The following LAMA5 variants were observed in gnomAD, a reference collection of about 807,000 sequenced individuals.
LAMA5 encodes laminin subunit alpha 5, also known as laminin subunit alpha-5.
LAMA5 carries 260 observed loss-of-function variants against 433.4 expected under a neutral mutation model. The ratio of observed to expected loss-of-function variants is 0.60; its 90% confidence interval spans 0.54 to 0.66. The LOEUF is 0.66. Among genes scored for constraint, LAMA5 ranks in the 30% least tolerant of loss-of-function variants. The probability of loss-of-function intolerance (pLI) is 0.00; values close to 1 mark genes in which losing one functional copy is unlikely to be tolerated. For missense variants in LAMA5, 5,378 were observed against 5,258.5 expected, an observed-to-expected ratio of 1.02 and a Z score of -0.70; for synonymous variants, 2,620 against 2,226.6, an observed-to-expected ratio of 1.18 and a Z score of -4.97.
rs758517526 is a variant in LAMA5, at chr20:62,313,129, G to C, written c.8914C>G (p.Leu2972Val). 2.5e-6 allele frequency: 4 copies of C among 1,609,000 alleles called. No individual in the cohort carries two copies. In the Admixed American group the frequency reaches 5.0e-5, roughly 20 times the overall value. The change falls in exon 65 of 80, where the codon CTC becomes GTC. Residue 2972 changes from leucine (L) to valine (V), a missense_variant. Coordinates refer to ENST00000252999, the MANE Select transcript of LAMA5 (RefSeq NM_005560.6). The part of the protein sequence containing the change: ...TTKRFEQELR[L>V]VSYSGVLFFL... ...AAGAGCACCCCGCTGTAGGACACGA[G>C]CCGCAGCTCCTGCTCGAAGCGCTTG...
intron 18 of LAMA5, 70 bp from the exon 19 acceptor site, chr20:62,335,339 C>G: frequency 2.6e-6 from 4 of 1,510,226 alleles, no homozygotes; most frequent in Non-Finnish European, 3.6e-6. Context: ...CCCCGAGGAA[C>G]CCCCACACCC....
At chr20:62,340,094 G>C (rs1290006308) in intron 11 of LAMA5, among the ~76,000 whole-genome samples, 2 of 152,096 alleles carry the variant, frequency 1.3e-5, no homozygotes, top group African/African-American at 4.8e-5. Flanking sequence ...TCACCCAACG[G>C]GCAGCAGAAA....
chr20:62,346,056 T>C, intron 10 of LAMA5, 25 bp downstream of exon 10: 9 of 1,611,698 alleles, frequency 5.6e-6, no homozygotes, highest in East Asian at 2.2e-5. Context: ...TGGTGTCTGT[T>C]TGGATGCCCC....
intron 48 of LAMA5, 107 bp from the exon 49 acceptor site, chr20:62,320,997 C>T (rs1987642560): frequency 3.2e-6 from 4 of 1,261,690 alleles, no homozygotes; most frequent in Non-Finnish European, 4.4e-6. Flanking sequence ...AGCCAGAGGT[C>T]ATGAGGTCAG....
intron 35 of LAMA5, 25 bp downstream of exon 35, chr20:62,328,216 C>T (rs779146052): frequency 8.3e-6 from 13 of 1,573,714 alleles, no homozygotes; most frequent in Middle Eastern, 1.7e-4. Context: ...CCAGGGGCCG[C>T]GCTGACGCCG....
intron 2 of LAMA5, among the ~76,000 whole-genome samples, chr20:62,361,238 G>A (rs1241406807): frequency 6.6e-6 from 1 of 152,150 alleles, no homozygotes; most frequent in East Asian, 1.9e-4. Context: ...AACAGGCAAA[G>A]CCACACCCAG....
chr20:62,319,989 G>A (rs954159847), intron 50 of LAMA5, among the ~76,000 whole-genome samples, 194 bp from the exon 51 acceptor site: 5 of 152,264 alleles, frequency 3.3e-5, no homozygotes, highest in East Asian at 1.9e-4. Flanking sequence ...CTTGCCATTT[G>A]TTATTTCCTG....
At position 62,347,458 on chromosome 20, in the gene LAMA5, A is replaced by G. The variant is rs534897372; in HGVS notation, c.957-430T>C. Among the ~76,000 whole-genome samples the G allele has an allele frequency of 2.0e-5, 3 of 152,250 alleles. No individual in the cohort carries two copies. In the South Asian group the frequency reaches 6.2e-4, roughly 32 times the overall value. On this transcript the variant is annotated intron_variant, in intron 6 of 79. Transcript: ENST00000252999. The stretch of plus-strand genomic sequence containing the variant: ...TCCACTTCGGCCAGGACTCGAGCGT[A>G]AGCCCAAAACCTCCCTGAGCCAGAA...
chr20:62,340,437 G>A (rs1008533276), intron 11 of LAMA5, among the ~76,000 whole-genome samples: 2 of 144,226 alleles, frequency 1.4e-5, no homozygotes, highest in South Asian at 2.3e-4. Context: ...TCAGCCTCCC[G>A]AGTAGCTGGG....
rs1319795560 is a variant in LAMA5, at chr20:62,328,383, T to C, written c.4510A>G (p.Thr1504Ala). 1.9e-6 allele frequency: 3 copies of C among 1,566,288 alleles called. No individual in the cohort carries two copies. The highest frequency in any genetic ancestry group is 2.6e-6 in the Non-Finnish European group (3 of 1,155,404). The change falls in exon 35 of 80, where the codon ACC becomes GCC. Residue 1504 changes from threonine to alanine, a missense_variant. Thr to Ala is a moderately conservative substitution (Grantham distance 58). Transcript: ENST00000252999. ...CACAGCAGGCAGTCGGGCGGGATGG[T>C]GCGTGGCGGGCAGATGCACTGGCCC... ...LTGQCICPPR[T>A]IPPDCLLCQP...
chr20:62,316,191 T>C (rs978167313), intron 57 of LAMA5, 133 bp from the exon 58 acceptor site: 8 of 663,212 alleles, frequency 1.2e-5, no homozygotes, highest in Admixed American at 4.7e-5. Flanking sequence ...CACTCAGACA[T>C]GGAGTCCCTT....
In LAMA5 at chr20:62,317,726, T is replaced by C. The variant is rs76350903; in HGVS notation, c.7292A>G (p.His2431Arg). Residue 2431 changes from histidine to arginine, a missense_variant, in exon 54 of 80, where the codon CAT becomes CGT. His to Arg is a conservative substitution (Grantham distance 29). Coordinates refer to ENST00000252999, the MANE Select transcript of LAMA5 (RefSeq NM_005560.6). ...RDNATLQATL[H>R]AARDTLASVF... ...GCTGGCCAGGGTGTCCCTAGCCGCA[T>C]GCAGAGTGGCCTGCAGGGTGGCATT... The C allele has an allele frequency of 1.9e-6, 3 of 1,607,378 alleles. No individual in the cohort carries two copies. Among genetic ancestry groups the C allele is most frequent in the South Asian group, 2.2e-5 (2 of 90,280 alleles).
intron 54 of LAMA5, 24 bp from the exon 55 acceptor site, chr20:62,317,523 C>A: frequency 6.5e-7 from 1 of 1,533,754 alleles, no homozygotes; most frequent in South Asian, 1.3e-5. Flanking sequence ...GGACTTAGCC[C>A]CTCATCCTGC....
At chr20:62,338,886 A>T (rs1267521145) in intron 11 of LAMA5, among the ~76,000 whole-genome samples, 1 of 151,888 alleles carries the variant, frequency 6.6e-6, no homozygotes, top group African/African-American at 2.4e-5. Flanking sequence ...AAAATACAAA[A>T]ATTAGCTGGG....
At chr20:62,361,593 G>C (rs1442461826) in intron 2 of LAMA5, among the ~76,000 whole-genome samples, 3 of 152,242 alleles carry the variant, frequency 2.0e-5, no homozygotes, top group Non-Finnish European at 4.4e-5. Flanking sequence ...TGGGGCAGCG[G>C]CGGAGCCGGC....
rs549992376 is a variant in LAMA5 at position 62,364,113 on chromosome 20, T to C, written c.298-1561A>G. On this transcript the variant is annotated intron_variant, in intron 1 of 79. Transcript: ENST00000252999. Reference sequence around the variant, plus strand: ...TCCCCAGCTCACCACCTAAGCATTCTCGTGGATGGGGCTAGAGCAACTGAA... The same window carrying C: ...TCCCCAGCTCACCACCTAAGCATTCCCGTGGATGGGGCTAGAGCAACTGAA... Among the ~76,000 whole-genome samples the C allele has an allele frequency of 1.6e-4, 25 of 152,252 alleles. No individual in the cohort carries two copies. The East Asian group carries it at 4.8e-3, about 29-fold the overall frequency.
In LAMA5 at chr20:62,329,841, A is replaced by T. The variant is rs982861517; in HGVS notation, c.4055T>A (p.Leu1352Gln). The T allele has an allele frequency of 2.4e-5, 38 of 1,612,438 alleles. No individual in the cohort carries two copies. The highest frequency in any genetic ancestry group is 3.0e-5 in the Non-Finnish European group (35 of 1,179,866). Residue 1352 changes from leucine (L) to glutamine (Q), a missense_variant, in exon 32 of 80, where the codon CTG (leucine) becomes CAG (glutamine). Transcript: ENST00000252999. ...AGTGAGCTCGCTGTGGGTCACGTCC[A>T]GCAGGGCCTGGCCCTCACACACCAC... ...TLVVCEGQAL[L>Q]DVTHSELTVT...
chr20:62,343,003 GAA>G (rs1982825779), intron 11 of LAMA5, among the ~76,000 whole-genome samples: 1 of 152,236 alleles, frequency 6.6e-6, no homozygotes. Flanking sequence ...GCCCAGTAGC[GAA>G]AAGATAAATT....
At chr20:62,348,988 G>T (rs2146292956) in intron 6 of LAMA5, among the ~76,000 whole-genome samples, 1 of 152,258 alleles carries the variant, frequency 6.6e-6, no homozygotes, top group Non-Finnish European at 1.5e-5. Context: ...ATGAACACAT[G>T]GCCAGGCGCA....
Sources: gnomAD v4.1 joint callset for allele counts (sites outside exome capture counted in the v4.1 genomes callset) on GRCh38, gnomAD v4.1.1 for gene constraint, MANE v1.5 for transcripts, NCBI Gene and HGNC (gene_info 2026-07-23, HGNC 2026-07-21) for gene names.